Variants in TRDN observed in about 807,000 individuals in gnomAD.
The protein encoded by TRDN is triadin.
TRDN carries 161 observed loss-of-function variants against 149.7 expected under a neutral mutation model. That is an observed-to-expected ratio of 1.08 (90% CI 0.95 to 1.23). The LOEUF (loss-of-function observed/expected upper bound fraction) is 1.23. Among genes scored for constraint, TRDN ranks in the 50% most tolerant of loss-of-function variants. The pLI is 0.00. For synonymous variants in TRDN, 294 were observed against 250.5 expected (o/e 1.17, Z -1.64); for missense variants, 896 against 823.5 (o/e 1.09, Z -1.08).
chr6:123,431,720 A>G (rs1209529111), intron 12 of TRDN, among the ~76,000 whole-genome samples: 1 of 152,208 alleles, frequency 6.6e-6, no homozygotes, highest in Non-Finnish European at 1.5e-5. Context: ...AAATGTACAC[A>G]TAAATATTTA....
chr6:123,522,406 T>C (rs556140069), intron 5 of TRDN, among the ~76,000 whole-genome samples: 1 of 144,074 alleles, frequency 6.9e-6, no homozygotes, highest in Admixed American at 7.2e-5. Context: ...TGCAAAAAAA[T>C]AAGGCAATAT....
chr6:123,216,807 A>G lies in TRDN; in HGVS notation c.*1794T>C, dbSNP rs1774985258. The G allele has an allele frequency of 6.6e-6, 1 of 152,048 alleles. No individual in the cohort carries two copies. The highest frequency in any genetic ancestry group is 2.1e-4 in the South Asian group (1 of 4,818). 9.4% of individuals were successfully genotyped at this position (152,048 alleles called of 1,614,324 possible). A position where few individuals can be genotyped will look rare whatever the true frequency, so the allele number is the denominator to read the frequency against. The stretch of plus-strand genomic sequence containing the variant: ...TAATTTATTATATTTTTCTTGTACA[A>G]TACAGCACCTAACACAGCGCCCTAA... On this transcript the variant is annotated 3_prime_UTR_variant, in exon 41 of 41. Coordinates refer to ENST00000334268, the MANE Select transcript of TRDN (RefSeq NM_006073.4).
In TRDN at chr6:123,274,623, A is replaced by T; in HGVS notation, c.1597+18T>A. 1 of 1,602,778 alleles carries T rather than the reference A, an allele frequency of 6.2e-7. No individual in the cohort carries two copies. The highest frequency in any genetic ancestry group is 2.2e-5 in the East Asian group (1 of 44,546). ...ATAATGTCAACTCTGAATCTATATA[A>T]AATAAAGCTCATGTTACCTGGTTTT... is the stretch of plus-strand genomic sequence containing the variant. On this transcript the variant is annotated intron_variant, in intron 27 of 40. Transcript: ENST00000334268.
intron 9 of TRDN, chr6:123,489,403 T>A (rs547729083): frequency 6.6e-6 from 1 of 152,254 alleles, no homozygotes; most frequent in African/African-American, 2.4e-5. Flanking sequence ...CTCATTACAC[T>A]ATCAGGGTCC....
chr6:123,483,084 ATTATTATTATTATT>A (rs1320409916), intron 9 of TRDN, among the ~76,000 whole-genome samples: 2 of 144,750 alleles, frequency 1.4e-5, no homozygotes, highest in Non-Finnish European at 3.0e-5. Context: ...TATTATTATT[ATTATTATTATTATT>A]ATTATTATTA....
chr6:123,291,923 T>C (rs571941176), intron 24 of TRDN, among the ~76,000 whole-genome samples: 24 of 152,208 alleles, frequency 1.6e-4, no homozygotes, highest in Non-Finnish European at 2.8e-4. Flanking sequence ...TGTGGTCTGA[T>C]GGTAAAGTGT....
At chr6:123,474,976 C>G (rs977400612) in intron 9 of TRDN, among the ~76,000 whole-genome samples, 1 of 151,646 alleles carries the variant, frequency 6.6e-6, no homozygotes, top group Non-Finnish European at 1.5e-5. Context: ...AAATTGACAC[C>G]CTAACATCAC....
intron 21 of TRDN, among the ~76,000 whole-genome samples, chr6:123,343,971 A>G (rs1442102437): frequency 6.6e-6 from 1 of 151,994 alleles, no homozygotes; most frequent in Non-Finnish European, 1.5e-5. Context: ...TTAGAAAAAT[A>G]AAAGGAACCC....
chr6:123,499,719 A>AAAAAAAAAAAAAAATATATATATATAT, intron 8 of TRDN, among the ~76,000 whole-genome samples: 4 of 47,678 alleles, frequency 8.4e-5, no homozygotes, highest in African/African-American at 1.4e-4. Flanking sequence ...AAAAAAAAAA[A>AAAAAAAAAAAAAAATATATATATATAT]ATATATATAT....
intron 10 of TRDN, among the ~76,000 whole-genome samples, chr6:123,449,448 G>A (rs895961612): frequency 1.1e-4 from 16 of 152,068 alleles, no homozygotes; most frequent in African/African-American, 2.7e-4. Flanking sequence ...CAATAGAATC[G>A]AACAATTAAA....
chr6:123,551,867 G>A (rs61069994), intron 2 of TRDN, among the ~76,000 whole-genome samples: 1 of 152,122 alleles, frequency 6.6e-6, no homozygotes. Flanking sequence ...CTAAGGTCTC[G>A]TTTTGGGTGG....
intron 38 of TRDN, among the ~76,000 whole-genome samples, chr6:123,225,579 T>A (rs74507203): frequency 2.5e-4 from 38 of 151,242 alleles, no homozygotes; most frequent in Middle Eastern, 6.8e-3. Context: ...CTACGTGAGG[T>A]GATGGCCATG....
chr6:123,626,750 CAAT>C (rs906605871), intron 1 of TRDN, among the ~76,000 whole-genome samples: 2 of 151,204 alleles, frequency 1.3e-5, no homozygotes, highest in Admixed American at 6.6e-5. Context: ...ATAATAATAA[CAAT>C]AAAAATAAAA....
chr6:123,424,322 G>A (rs1774028047), intron 12 of TRDN, among the ~76,000 whole-genome samples: 5 of 152,008 alleles, frequency 3.3e-5, no homozygotes, highest in Admixed American at 2.6e-4. Flanking sequence ...CTTCCACAAT[G>A]ACATTCACAC....
At chr6:123,450,472 C>T (rs1775703075) in intron 10 of TRDN, among the ~76,000 whole-genome samples, 1 of 151,798 alleles carries the variant, frequency 6.6e-6, no homozygotes. Context: ...CAAGAAAAAC[C>T]TTAAACCAAC....
chr6:123,220,641 G>T (rs184343572), intron 40 of TRDN, among the ~76,000 whole-genome samples: 51 of 151,860 alleles, frequency 3.4e-4, no homozygotes, highest in African/African-American at 1.2e-3. Flanking sequence ...TAGGCATTCA[G>T]TATCTGTCTA....
intron 12 of TRDN, among the ~76,000 whole-genome samples, chr6:123,410,440 T>C (rs1181872176): frequency 6.6e-6 from 1 of 152,138 alleles, no homozygotes; most frequent in South Asian, 2.1e-4. Flanking sequence ...CAAAAAGTGA[T>C]CAACGAAGAA....
chr6:123,278,317 C>A lies in TRDN; in HGVS notation c.1567+1G>T. ...TATGTGTATAAATAAAATATACATA[C>A]CTGGCTTCTCTTCCTTTTTTCCTTG... On this transcript the variant is annotated splice_donor_variant, in intron 26 of 40. Transcript: ENST00000334268. LOFTEE classifies it high-confidence loss of function. 1 of 1,290,776 alleles carries A rather than the reference C, an allele frequency of 7.7e-7. No homozygotes were observed. Among genetic ancestry groups the A allele is most frequent in the Non-Finnish European group, 1.0e-6 (1 of 956,982 alleles). 80.0% of individuals were successfully genotyped at this position (1,290,776 alleles called of 1,614,324 possible).
chr6:123,273,590 A>G (rs1777275763), intron 27 of TRDN, among the ~76,000 whole-genome samples: 2 of 151,996 alleles, frequency 1.3e-5, no homozygotes, highest in Admixed American at 6.6e-5. Context: ...AAATAATAAA[A>G]TACTAATAAA....
Sources: gnomAD v4.1 joint callset for allele counts (sites outside exome capture counted in the v4.1 genomes callset) on GRCh38, gnomAD v4.1.1 for gene constraint, MANE v1.5 for transcripts, NCBI Gene and HGNC (gene_info 2026-07-23, HGNC 2026-07-21) for gene names.